DSCAM: variants seen among roughly 807,000 people sequenced by gnomAD.
DSCAM encodes the protein cell adhesion molecule DSCAM.
DSCAM carries 47 observed loss-of-function variants against 217.7 expected under a neutral mutation model. That is an observed-to-expected ratio of 0.22 (90% confidence interval 0.17 to 0.28). The LOEUF is 0.28. Ranked by LOEUF, DSCAM falls within the 10% of genes least tolerant of loss-of-function variation. The probability of loss-of-function intolerance (pLI) is 1.00; values close to 1 mark genes in which losing one functional copy is unlikely to be tolerated. For missense variants in DSCAM, 2,080 were observed against 2,618.3 expected (o/e 0.79, Z 4.49); for synonymous variants, 1,056 against 1,015.3 (o/e 1.04, Z -0.76).
At chr21:40,160,393 T>C (rs2090527427) in intron 16 of DSCAM, among the ~76,000 whole-genome samples, 1 of 152,238 alleles carries the variant, frequency 6.6e-6, no homozygotes, top group South Asian at 2.1e-4. Flanking sequence ...TACGCTAATG[T>C]TACTTTAAAA....
chr21:40,463,780 G>A (rs974860554), intron 3 of DSCAM, among the ~76,000 whole-genome samples: 1 of 152,134 alleles, frequency 6.6e-6, no homozygotes, highest in African/African-American at 2.4e-5. Flanking sequence ...CAGCCTCTTT[G>A]GCATCCTTCT....
At chr21:40,237,788 A>C (rs1479089696) in intron 11 of DSCAM, among the ~76,000 whole-genome samples, 1 of 152,190 alleles carries the variant, frequency 6.6e-6, no homozygotes, top group Non-Finnish European at 1.5e-5. Context: ...AGGAATAGCC[A>C]CACTGTCTTC....
intron 3 of DSCAM, among the ~76,000 whole-genome samples, chr21:40,406,564 G>A (rs1461630563): frequency 6.6e-6 from 1 of 152,090 alleles, no homozygotes; most frequent in Non-Finnish European, 1.5e-5. Context: ...AATACCACAT[G>A]ATCTCACTCA....
intron 11 of DSCAM, among the ~76,000 whole-genome samples, chr21:40,224,477 A>G (rs1174327773): frequency 6.6e-6 from 1 of 152,256 alleles, no homozygotes; most frequent in Non-Finnish European, 1.5e-5. Flanking sequence ...ACATTTCATC[A>G]GAAACATAAG....
chr21:40,044,331 G>T, intron 30 of DSCAM, 56 bp from the exon 31 acceptor site: 3 of 1,551,140 alleles, frequency 1.9e-6, no homozygotes, highest in South Asian at 2.4e-5. Flanking sequence ...GGTCAGCTGA[G>T]AGCAAGCGTA....
intron 3 of DSCAM, among the ~76,000 whole-genome samples, chr21:40,564,603 A>T (rs922136949): frequency 6.6e-6 from 1 of 152,046 alleles, no homozygotes; most frequent in African/African-American, 2.4e-5. Context: ...GCCTCCTACA[A>T]AAAGGTCACT....
At chr21:40,109,588 C>T (rs537613307) in intron 20 of DSCAM, among the ~76,000 whole-genome samples, 32 of 152,294 alleles carry the variant, frequency 2.1e-4, no homozygotes, top group African/African-American at 6.5e-4. Context: ...GCGGGTGCAG[C>T]GCACCGAGCA....
At chr21:40,187,031 T>G in intron 14 of DSCAM, 100 bp downstream of exon 14, 128 of 1,450,774 alleles carry the variant, frequency 8.8e-5, no homozygotes, top group Non-Finnish European at 1.1e-4. Context: ...TGAGCTCCTG[T>G]GAGCTGAGCT....
intron 3 of DSCAM, among the ~76,000 whole-genome samples, chr21:40,603,228 A>G (rs1416547049): frequency 6.6e-6 from 1 of 152,066 alleles, no homozygotes; most frequent in Non-Finnish European, 1.5e-5. Context: ...TTTTCTTGAG[A>G]TGTCTTTTAT....
rs755767800 is a variant in DSCAM, at chr21:40,605,791, C to CTTTTTTT, written c.508+87012_508+87018dup. On this transcript the variant is annotated intron_variant, in intron 3 of 32. Transcript: ENST00000400454. ...CTTATATATGTGCTTAATGCACATTCTTTTTTTTTTTTTTTTTTTTTTTTT... is the reference window on the plus strand; with the variant it reads ...CTTATATATGTGCTTAATGCACATTCTTTTTTTTTTTTTTTTTTTTTTTTTTTTTTTT... Among the ~76,000 whole-genome samples, 109 of 62,004 alleles carry CTTTTTTT rather than the reference C, an allele frequency of 1.8e-3. 21 individuals carry two copies. Among genetic ancestry groups the CTTTTTTT allele is most frequent in the East Asian group, 3.9e-3 (7 of 1,814 alleles). The allele number at this position is 62,004 out of a possible 152,430, so 40.7% of individuals were successfully genotyped here.
In DSCAM at chr21:40,846,745, C is replaced by A. The variant is rs1281965121; in HGVS notation, c.-84G>T. 1 of 639,056 alleles carries A rather than the reference C, an allele frequency of 1.6e-6. No individual in the cohort carries two copies. The highest frequency in any genetic ancestry group is 6.5e-5 in the South Asian group (1 of 15,302). The allele number at this position is 639,056 out of a possible 1,614,324, so 39.6% of individuals were successfully genotyped here. On this transcript the variant is annotated 5_prime_UTR_variant, in exon 1 of 33. Transcript: ENST00000400454. ...GCCCGGCCCGGCTCCGCTCGCCGCT[C>A]GGCACCTGCCCGGGGGCCGCCGCCC...
At chr21:40,577,838 G>T (rs567361484) in intron 3 of DSCAM, among the ~76,000 whole-genome samples, 15 of 152,148 alleles carry the variant, frequency 9.9e-5, no homozygotes, top group African/African-American at 1.2e-4. Context: ...GGCTTTGGGC[G>T]TTATCAATCA....
intron 19 of DSCAM, among the ~76,000 whole-genome samples, chr21:40,130,243 T>C (rs2090141187): frequency 6.6e-6 from 1 of 152,212 alleles, no homozygotes; most frequent in South Asian, 2.1e-4. Flanking sequence ...TATTATAGTA[T>C]TGGCAAATAA....
chr21:40,582,487 G>A (rs2076913219), intron 3 of DSCAM, among the ~76,000 whole-genome samples: 2 of 152,124 alleles, frequency 1.3e-5, no homozygotes, highest in African/African-American at 2.4e-5. Context: ...CTTAGGTTAT[G>A]TATTATAAAT....
At chr21:40,203,691 A>T (rs1283276067) in intron 11 of DSCAM, among the ~76,000 whole-genome samples, 4 of 152,204 alleles carry the variant, frequency 2.6e-5, no homozygotes, top group Admixed American at 6.5e-5. Flanking sequence ...ACATGCAAAG[A>T]CCTTTGTAGA....
chr21:40,531,459 T>C (rs910169558), intron 3 of DSCAM, among the ~76,000 whole-genome samples: 20 of 152,172 alleles, frequency 1.3e-4, no homozygotes, highest in African/African-American at 4.8e-4. Context: ...GCCTTGGGTG[T>C]GTTTCCCCTC....
chr21:40,437,368 C>A (rs992306012), intron 3 of DSCAM, among the ~76,000 whole-genome samples: 5 of 152,134 alleles, frequency 3.3e-5, no homozygotes, highest in African/African-American at 9.7e-5. Context: ...AATACTACTA[C>A]TAATAATAGT....
chr21:40,520,694 C>T (rs1378596630), intron 3 of DSCAM, among the ~76,000 whole-genome samples: 8 of 152,090 alleles, frequency 5.3e-5, no homozygotes, highest in African/African-American at 1.7e-4. Context: ...GTAGTCCCAG[C>T]TACTCAGGAG....
intron 1 of DSCAM, among the ~76,000 whole-genome samples, chr21:40,804,239 G>A (rs2091767236): frequency 6.6e-6 from 1 of 152,142 alleles, no homozygotes; most frequent in Admixed American, 6.5e-5. Flanking sequence ...TCAGAATCAG[G>A]GGAGCACAGA....
Sources: gnomAD v4.1 joint callset for allele counts (sites outside exome capture counted in the v4.1 genomes callset) on GRCh38, gnomAD v4.1.1 for gene constraint, MANE v1.5 for transcripts, NCBI Gene and HGNC (gene_info 2026-07-23, HGNC 2026-07-21) for gene names.